AIG1: variants seen among roughly 807,000 people sequenced by gnomAD.
The protein encoded by AIG1 is androgen-induced gene 1 protein.
A neutral mutation model predicts 31.4 loss-of-function variants in AIG1; 23 were observed. That is an observed-to-expected ratio of 0.73 (90% confidence interval 0.53 to 1.04). The LOEUF (loss-of-function observed/expected upper bound fraction) is 1.04. AIG1 is among the 50% of genes least tolerant of loss of function. AIG1 has a pLI of 0.00. For synonymous variants in AIG1, 100 were observed against 110.5 expected, an observed-to-expected ratio of 0.90 and a Z score of 0.60; for missense variants, 274 against 295.0, an observed-to-expected ratio of 0.93 and a Z score of 0.52.
chr6:143,083,777 A>G (rs1001139928), intron 1 of AIG1, among the ~76,000 whole-genome samples: 1 of 152,084 alleles, frequency 6.6e-6, no homozygotes, highest in Non-Finnish European at 1.5e-5. Flanking sequence ...TTTAACTTGA[A>G]TGGGATGAGC....
At chr6:143,116,106 C>A (rs1379505658) in intron 1 of AIG1, among the ~76,000 whole-genome samples, 1 of 152,186 alleles carries the variant, frequency 6.6e-6, no homozygotes, top group African/African-American at 2.4e-5. Flanking sequence ...TGAAATTCTT[C>A]TTCTGTTTAT....
intron 3 of AIG1, chr6:143,187,888 C>T: frequency 7.2e-7 from 1 of 1,382,348 alleles, no homozygotes; most frequent in Non-Finnish European, 9.3e-7. Context: ...CAAAAATTAC[C>T]CCTTAATTTG....
chr6:143,234,103 A>AC (rs1273013656), intron 3 of AIG1, among the ~76,000 whole-genome samples: 2 of 151,410 alleles, frequency 1.3e-5, no homozygotes, highest in Admixed American at 1.3e-4. Context: ...AACTACAAAG[A>AC]CCCCCCTAAA....
intron 3 of AIG1, among the ~76,000 whole-genome samples, chr6:143,215,343 G>A (rs1791946009): frequency 6.6e-6 from 1 of 152,104 alleles, no homozygotes; most frequent in Non-Finnish European, 1.5e-5. Flanking sequence ...ACTGGTGCTA[G>A]CCTAACTCAG....
intron 5 of AIG1, 77 bp from the exon 6 acceptor site, chr6:143,339,562 T>C: frequency 1.4e-6 from 2 of 1,469,678 alleles, no homozygotes; most frequent in Middle Eastern, 1.7e-4. Context: ...GTGTGAGTAG[T>C]GTTAGCAAGC....
chr6:143,223,387 C>T (rs900466228), intron 3 of AIG1, among the ~76,000 whole-genome samples: 4 of 152,078 alleles, frequency 2.6e-5, no homozygotes, highest in Admixed American at 6.6e-5. Context: ...TTGGTTTAGG[C>T]CTGTGAAGGC....
intron 3 of AIG1, chr6:143,189,633 T>G: frequency 1.0e-6 from 1 of 985,408 alleles, no homozygotes; most frequent in Non-Finnish European, 1.2e-6. Flanking sequence ...TCTTTTTTGA[T>G]GTGTCTTAAA....
At chr6:143,342,468 A>C (rs1777877196), downstream of AIG1, 1 of 782,950 alleles carries the variant, frequency 1.3e-6, no homozygotes, top group East Asian at 2.4e-5. Flanking sequence ...TGAAGCATAC[A>C]AGAGAAGTGC....
chr6:143,232,676 A>C (rs1285391670), intron 3 of AIG1, among the ~76,000 whole-genome samples: 1 of 152,204 alleles, frequency 6.6e-6, no homozygotes, highest in Non-Finnish European at 1.5e-5. Flanking sequence ...ACCTGCTAAT[A>C]ACTGAGTTAT....
chr6:143,222,387 G>GT (rs1792590414), intron 3 of AIG1, among the ~76,000 whole-genome samples: 1 of 140,676 alleles, frequency 7.1e-6, no homozygotes, highest in Non-Finnish European at 1.5e-5. Flanking sequence ...GGTAGTATCT[G>GT]GTTTTTTTTT....
intron 2 of AIG1, among the ~76,000 whole-genome samples, chr6:143,149,239 G>A (rs1383454551): frequency 2.0e-5 from 3 of 152,050 alleles, no homozygotes; most frequent in Admixed American, 6.6e-5. Flanking sequence ...CAGAATAAGA[G>A]TAGGAGGCTG....
rs1419973535 is a variant in AIG1, at chr6:143,327,589, T to C, written c.516-5693T>C. ...AAGATTCACCAAATAAGCTCTATAC[T>C]TCAGTTACCTATGTACCTGTTACCA... On this transcript the variant is annotated intron_variant, in intron 4 of 5. Transcript: ENST00000357847. The surrounding 1 kb of genome is among the most constrained non-coding windows in gnomAD (Gnocchi z 5.3). 2.7e-6 allele frequency: 1 copy of C among 364,706 alleles called. No individual in the cohort carries two copies. Among genetic ancestry groups the C allele is most frequent in the Non-Finnish European group, 5.2e-6 (1 of 193,012 alleles). The allele number at this position is 364,706 out of a possible 1,614,324, so 22.6% of individuals were successfully genotyped here.
rs1252656130 is a variant in AIG1 at position 143,060,988 on chromosome 6, G to C, written c.63G>C (p.Leu21=). The C allele has an allele frequency of 6.2e-7, 1 of 1,613,270 alleles. No homozygotes were observed. Among genetic ancestry groups the C allele is most frequent in the Non-Finnish European group, 8.5e-7 (1 of 1,179,842 alleles). ...MAILLSYCSI[L]CNYKAIEMPS... is the part of the protein sequence containing the mutation. ...TCCTGCTGTCTTACTGCTCTATCCT[G>C]TGTAACTACAAGGCCATCGAAATGC... Residue 21 remains leucine (L), a synonymous_variant, in exon 1 of 6, where the codon CTG becomes CTC. Coordinates refer to ENST00000357847, the MANE Select transcript of AIG1 (RefSeq NM_016108.4).
At chr6:143,266,762 G>A (rs1796186606) in intron 3 of AIG1, among the ~76,000 whole-genome samples, 1 of 152,034 alleles carries the variant, frequency 6.6e-6, no homozygotes, top group Admixed American at 6.6e-5. Flanking sequence ...TGGGCAACAT[G>A]ATGAGACCTC....
intron 3 of AIG1, among the ~76,000 whole-genome samples, chr6:143,196,423 C>A (rs1429257924): frequency 6.6e-6 from 1 of 151,020 alleles, no homozygotes; most frequent in African/African-American, 2.4e-5. Context: ...GGAAAACTGG[C>A]TGCACGACTT....
chr6:143,112,016 T>C (rs1283501994), intron 1 of AIG1, among the ~76,000 whole-genome samples: 4 of 152,218 alleles, frequency 2.6e-5, no homozygotes, highest in Non-Finnish European at 5.9e-5. Flanking sequence ...CTTTCCAAAA[T>C]GTACTACTTC....
intron 1 of AIG1, among the ~76,000 whole-genome samples, chr6:143,076,687 T>C (rs1253109380): frequency 1.3e-5 from 2 of 151,818 alleles, no homozygotes; most frequent in Non-Finnish European, 2.9e-5. Context: ...TTTTTTTTTT[T>C]TTTGAGATGG....
At chr6:143,265,665 G>A (rs1334055592) in intron 3 of AIG1, among the ~76,000 whole-genome samples, 16 of 152,166 alleles carry the variant, frequency 1.1e-4, no homozygotes, top group Admixed American at 1.0e-3. Flanking sequence ...ATTTAAGTTT[G>A]GCAAGAGCTG....
At chr6:143,222,460 G>A (rs376418239) in intron 3 of AIG1, among the ~76,000 whole-genome samples, 1 of 152,026 alleles carries the variant, frequency 6.6e-6, no homozygotes, top group African/African-American at 2.4e-5. Context: ...GTAGTGTGGC[G>A]TGATAAGAAA....
Sources: allele counts gnomAD v4.1 joint callset (sites outside exome capture counted in the v4.1 genomes callset), GRCh38; gene constraint gnomAD v4.1.1; non-coding constraint Gnocchi (gnomAD v3.1); transcripts MANE v1.5; gene names NCBI Gene and HGNC (gene_info 2026-07-23, HGNC 2026-07-21).